CCDC178: variants seen among roughly 807,000 people sequenced by gnomAD.
CCDC178 encodes coiled-coil domain containing 178.
A neutral mutation model predicts 117.4 loss-of-function variants in CCDC178; 126 were observed. The ratio of observed to expected loss-of-function variants is 1.07; its 90% confidence interval spans 0.93 to 1.24. The LOEUF (loss-of-function observed/expected upper bound fraction) is 1.24. CCDC178 is among the 50% of genes most tolerant of loss of function. CCDC178 has a pLI of 0.00. For missense variants in CCDC178, 1,030 were observed against 986.9 expected, an observed-to-expected ratio of 1.04 and a Z score of -0.59; for synonymous variants, 283 against 313.4, an observed-to-expected ratio of 0.90 and a Z score of 1.02.
intron 20 of CCDC178, among the ~76,000 whole-genome samples, chr18:33,195,477 C>G (rs139341421): frequency 1.3e-5 from 2 of 152,100 alleles, no homozygotes; most frequent in Non-Finnish European, 1.5e-5. Context: ...AAACAACCTA[C>G]GAACCTTAAG....
At chr18:33,407,929 C>G (rs948174590) in intron 3 of CCDC178, among the ~76,000 whole-genome samples, 2 of 151,662 alleles carry the variant, frequency 1.3e-5, no homozygotes, top group East Asian at 3.9e-4. Flanking sequence ...TAATAAAACC[C>G]TCATTACCAA....
At chr18:33,294,800 A>T (rs1401940937) in intron 11 of CCDC178, among the ~76,000 whole-genome samples, 1 of 152,180 alleles carries the variant, frequency 6.6e-6, no homozygotes, top group Admixed American at 6.5e-5. Flanking sequence ...AGTCCAGAGA[A>T]TACACTATGG....
At chr18:33,438,518 TAC>T (rs113727839) in intron 2 of CCDC178, among the ~76,000 whole-genome samples, 1,552 of 146,076 alleles carry the variant, frequency 0.011, 28 homozygotes, top group African/African-American at 0.027. Context: ...ATATACGGCA[TAC>T]ACACACACAC....
intron 12 of CCDC178, among the ~76,000 whole-genome samples, chr18:33,289,025 T>C (rs1279607863): frequency 1.3e-5 from 2 of 152,170 alleles, no homozygotes; most frequent in South Asian, 2.1e-4. Context: ...TTCCTTCTCA[T>C]CAATGCCATT....
chr18:33,349,692 C>T (rs2062945259), intron 7 of CCDC178, among the ~76,000 whole-genome samples: 1 of 151,744 alleles, frequency 6.6e-6, no homozygotes, highest in Non-Finnish European at 1.5e-5. Context: ...GTATCAACAA[C>T]AAAGCAGAGA....
At chr18:32,969,269 A>G (rs1318596359) in intron 22 of CCDC178, among the ~76,000 whole-genome samples, 1 of 152,036 alleles carries the variant, frequency 6.6e-6, no homozygotes, top group Non-Finnish European at 1.5e-5. Context: ...CAAAGAGGTC[A>G]TAGGAACCTA....
intron 6 of CCDC178, among the ~76,000 whole-genome samples, chr18:33,366,908 A>C (rs1401145883): frequency 6.6e-6 from 1 of 152,074 alleles, no homozygotes; most frequent in African/African-American, 2.4e-5. Context: ...AGACAGAAAA[A>C]TGTTCCACTT....
rs572370133 is a variant in CCDC178 at position 33,001,832 on chromosome 18, G to T, written c.2389-27151C>A. Among the ~76,000 whole-genome samples the T allele has an allele frequency of 1.3e-3, 196 of 152,128 alleles. 3 individuals carry two copies. The highest frequency in any genetic ancestry group is 1.4e-3 in the Non-Finnish European group (92 of 68,002). On this transcript the variant is annotated intron_variant, in intron 21 of 22. Transcript: ENST00000383096. The stretch of plus-strand genomic sequence containing the variant: ...AAGACACATAGAAACTAAAGGGATG[G>T]AAAAAGATACTCCATGCAAATGGAA...
At chr18:33,200,070 C>T (rs2058975345) in intron 20 of CCDC178, among the ~76,000 whole-genome samples, 1 of 152,214 alleles carries the variant, frequency 6.6e-6, no homozygotes, top group Non-Finnish European at 1.5e-5. Flanking sequence ...ACTCTTTCAT[C>T]TCACTAGAAC....
chr18:33,010,923 T>G (rs1327968695), intron 21 of CCDC178, among the ~76,000 whole-genome samples: 1 of 152,178 alleles, frequency 6.6e-6, no homozygotes, highest in Non-Finnish European at 1.5e-5. Context: ...TGTAATGATC[T>G]AAGACAGTGT....
chr18:33,365,902 T>C (rs2063198785), intron 6 of CCDC178, among the ~76,000 whole-genome samples: 1 of 152,096 alleles, frequency 6.6e-6, no homozygotes, highest in African/African-American at 2.4e-5. Flanking sequence ...TTGTGTGATG[T>C]TTCCAGATTC....
intron 21 of CCDC178, among the ~76,000 whole-genome samples, chr18:32,986,659 T>A (rs898675113): frequency 1.5e-4 from 23 of 152,044 alleles, no homozygotes; most frequent in African/African-American, 5.6e-4. Flanking sequence ...ATGGAGAGGC[T>A]CTGAGTTGCA....
At chr18:33,076,361 G>A (rs1262872379) in intron 21 of CCDC178, among the ~76,000 whole-genome samples, 1 of 152,178 alleles carries the variant, frequency 6.6e-6, no homozygotes, top group African/African-American at 2.4e-5. Flanking sequence ...CACTTGAAAG[G>A]GGATTCAATG....
intron 10 of CCDC178, chr18:33,328,083 ATTTTTTTTTTTTTTTTTTTTTTTTT>A (rs771034112): frequency 1.1e-5 from 1 of 89,374 alleles, no homozygotes; most frequent in Non-Finnish European, 1.9e-5. Flanking sequence ...TTATCCCTAG[ATTTTTTTTTTTTTTTTTTTTTTTTT>A]TTTTTTTTTT....
At chr18:32,989,108 A>T (rs948788910) in intron 21 of CCDC178, among the ~76,000 whole-genome samples, 1 of 152,186 alleles carries the variant, frequency 6.6e-6, no homozygotes, top group African/African-American at 2.4e-5. Flanking sequence ...TTCCCAAATT[A>T]TTCTAGAAGT....
intron 20 of CCDC178, among the ~76,000 whole-genome samples, chr18:33,144,900 A>G (rs2144314550): frequency 6.6e-6 from 1 of 152,232 alleles, no homozygotes; most frequent in South Asian, 2.1e-4. Flanking sequence ...CAAGATCACC[A>G]TTTTCTTATC....
intron 22 of CCDC178, among the ~76,000 whole-genome samples, chr18:32,942,465 A>G (rs1358704698): frequency 6.6e-6 from 1 of 152,122 alleles, no homozygotes; most frequent in Middle Eastern, 3.2e-3. Flanking sequence ...GTGGAAAAGT[A>G]GCACACATTT....
At chr18:33,268,164 A>G (rs1356496103) in intron 12 of CCDC178, among the ~76,000 whole-genome samples, 1 of 151,830 alleles carries the variant, frequency 6.6e-6, no homozygotes, top group Non-Finnish European at 1.5e-5. Flanking sequence ...TCACATGGAA[A>G]AAAGGTATCT....
chr18:33,183,855 C>T, intron 20 of CCDC178, among the ~76,000 whole-genome samples: 1 of 152,096 alleles, frequency 6.6e-6, no homozygotes, highest in Non-Finnish European at 1.5e-5. Context: ...GTTCAGGTAG[C>T]CTTTAGGAAG....
Sources: allele counts gnomAD v4.1 joint callset (sites outside exome capture counted in the v4.1 genomes callset), GRCh38; gene constraint gnomAD v4.1.1; transcripts MANE v1.5; gene names NCBI Gene and HGNC (gene_info 2026-07-23, HGNC 2026-07-21).